Variants in DOCK2 observed in about 807,000 individuals in gnomAD.
DOCK2 encodes the protein dedicator of cytokinesis 2.
In DOCK2, 87 loss-of-function variants were observed where a neutral mutation model predicts 248.9. That is an observed-to-expected ratio of 0.35 (90% CI 0.29 to 0.42). DOCK2 has a LOEUF of 0.42. Ranked by LOEUF, DOCK2 falls within the 10% of genes least tolerant of loss-of-function variation. The probability of loss-of-function intolerance (pLI) is 1.00; values close to 1 mark genes in which losing one functional copy is unlikely to be tolerated. For synonymous variants in DOCK2, 805 were observed against 821.6 expected, an observed-to-expected ratio of 0.98 and a Z score of 0.35; for missense variants, 1,747 against 2,300.2, an observed-to-expected ratio of 0.76 and a Z score of 4.92.
intron 26 of DOCK2, among the ~76,000 whole-genome samples, chr5:169,839,859 G>T (rs1336757885): frequency 6.6e-6 from 1 of 152,134 alleles, no homozygotes; most frequent in Non-Finnish European, 1.5e-5. Flanking sequence ...GTGGCTTCCT[G>T]CTGTGGCTGA....
At chr5:169,754,169 G>T (rs145775000) in intron 23 of DOCK2, among the ~76,000 whole-genome samples, 1 of 152,278 alleles carries the variant, frequency 6.6e-6, no homozygotes, top group African/African-American at 2.4e-5. Flanking sequence ...AAGCCTGAAA[G>T]CACTCAGCAG....
intron 14 of DOCK2, among the ~76,000 whole-genome samples, chr5:169,706,331 A>G (rs763653399): frequency 2.6e-5 from 4 of 152,230 alleles, no homozygotes; most frequent in Non-Finnish European, 5.9e-5. Flanking sequence ...ACAGATATAA[A>G]TCTTTGTAGG....
intron 27 of DOCK2, chr5:169,864,251 C>T: frequency 1.9e-6 from 3 of 1,548,292 alleles, no homozygotes; most frequent in East Asian, 2.4e-5. Flanking sequence ...AGTTGGGGGG[C>T]TGGGGGATGG....
rs559242546 is a variant in DOCK2, at chr5:169,999,579, T to A, written c.3072+3415T>A. ...GGGCTGTCACACCCACAAGATTCTG[T>A]AAAACAGAAGAGTGGCCAACATTAC... is the stretch of plus-strand genomic sequence containing the variant. On this transcript the variant is annotated intron_variant, in intron 30 of 51. Transcript: ENST00000520908. 1.4e-4 allele frequency among the ~76,000 whole-genome samples: 21 copies of A among 152,298 alleles called. No individual in the cohort carries two copies. In the South Asian group the frequency reaches 4.4e-3, roughly 32 times the overall value.
Position 169,664,993 on chromosome 5 carries a change from TA to T in DOCK2, c.128-4294del, listed in dbSNP as rs564665470. Among the ~76,000 whole-genome samples, 268 of 147,260 alleles carry T rather than the reference TA, an allele frequency of 1.8e-3. 2 individuals are homozygous for T. Among genetic ancestry groups the T allele is most frequent in the African/African-American group, 6.5e-3 (262 of 40,240 alleles). On this transcript the variant is annotated intron_variant, in intron 2 of 51. Coordinates refer to ENST00000520908, the MANE Select transcript of DOCK2 (RefSeq NM_004946.3). The stretch of plus-strand genomic sequence containing the variant: ...ATATCAGCATATCTATATATGTTTA[TA>T]TATAAGTATCAGCATATCTATATAT...
intron 33 of DOCK2, among the ~76,000 whole-genome samples, chr5:170,022,886 C>T (rs929235441): frequency 6.6e-6 from 1 of 152,210 alleles, no homozygotes; most frequent in Non-Finnish European, 1.5e-5. Context: ...TTTAGACCCC[C>T]ATCCCATGTC....
Position 170,019,073 on chromosome 5 carries a change from C to T in DOCK2, c.3346C>T (p.Leu1116=). 6.2e-7 allele frequency: 1 copy of T among 1,614,050 alleles called. No homozygotes were observed. Among genetic ancestry groups the T allele is most frequent in the Non-Finnish European group, 8.5e-7 (1 of 1,179,964 alleles). Residue 1116 remains leucine, a synonymous_variant, in exon 33 of 52, where the codon CTG becomes TTG. Coordinates refer to ENST00000520908, the MANE Select transcript of DOCK2 (RefSeq NM_004946.3). The stretch of plus-strand genomic sequence containing the variant: ...CATACCAATCTTCTTCGACATGATG[C>T]TGTGTGAATATCAAAGAAGTGGGGA... The part of the protein sequence containing the change: ...ATIPIFFDMM[L]CEYQRSGDFK...
intron 26 of DOCK2, among the ~76,000 whole-genome samples, chr5:169,839,904 C>T (rs536198876): frequency 2.4e-4 from 36 of 152,314 alleles, no homozygotes; most frequent in African/African-American, 7.7e-4. Context: ...TTGGCATTTC[C>T]GTTACCTGTA....
intron 1 of DOCK2, among the ~76,000 whole-genome samples, chr5:169,640,079 C>A (rs754539317): frequency 6.6e-6 from 1 of 152,122 alleles, no homozygotes; most frequent in Admixed American, 6.5e-5. Flanking sequence ...ATGAGAACAC[C>A]GGTCATATTG....
rs549045156 is a variant in DOCK2 at position 169,954,797 on chromosome 5, G to A, written c.2800-28271G>A. Among the ~76,000 whole-genome samples the A allele has an allele frequency of 4.6e-5, 7 of 152,320 alleles. No homozygotes were observed. The East Asian group carries it at 5.8e-4, about 13-fold the overall frequency. Reference sequence around the variant, plus strand: ...GGGAGTGACCTCATGAGAGGTCAACGCAGCTGATGCTGGGAAGGCTCATAC... The same window carrying A: ...GGGAGTGACCTCATGAGAGGTCAACACAGCTGATGCTGGGAAGGCTCATAC... On this transcript the variant is annotated intron_variant, in intron 27 of 51. Transcript: ENST00000520908.
chr5:170,067,001 C>T (rs80322195), intron 44 of DOCK2, among the ~76,000 whole-genome samples: 2 of 152,184 alleles, frequency 1.3e-5, no homozygotes, highest in Admixed American at 6.5e-5. Flanking sequence ...CTGTTTATAT[C>T]GCCTTCTAAG....
intron 44 of DOCK2, among the ~76,000 whole-genome samples, chr5:170,061,033 A>G (rs896778326): frequency 3.9e-5 from 6 of 152,164 alleles, no homozygotes; most frequent in Non-Finnish European, 5.9e-5. Context: ...CCATCTAAAA[A>G]AAAATTAAAA....
intron 51 of DOCK2, among the ~76,000 whole-genome samples, chr5:170,082,556 T>C (rs375510847): frequency 7.2e-5 from 11 of 152,272 alleles, no homozygotes; most frequent in African/African-American, 2.6e-4. Flanking sequence ...GGATTTTATA[T>C]GGGAGGCTCA....
At chr5:169,773,768 C>T (rs1487885795) in intron 25 of DOCK2, among the ~76,000 whole-genome samples, 2 of 152,116 alleles carry the variant, frequency 1.3e-5, no homozygotes, top group Non-Finnish European at 2.9e-5. Flanking sequence ...TCCCATAATT[C>T]CCACGTGTTG....
At position 169,996,094 on chromosome 5, in the gene DOCK2, T is replaced by G; in HGVS notation, c.3002T>G (p.Leu1001Arg). 1 of 1,613,884 alleles carries G rather than the reference T, an allele frequency of 6.2e-7. No homozygotes were observed. Among genetic ancestry groups the G allele is most frequent in the South Asian group, 1.1e-5 (1 of 91,076 alleles). The change falls in exon 30 of 52, where the codon CTG (leucine) becomes CGG (arginine). Residue 1001 changes from leucine (L) to arginine (R), a missense_variant. This residue lies in a region of DOCK2 where 858 missense variants were observed against 1,183.5 expected (regional missense o/e 0.72). Coordinates refer to ENST00000520908, the MANE Select transcript of DOCK2 (RefSeq NM_004946.3). ...TTTCTGCCCTCTTCCAGGGTCTTCC[T>G]GAGAGCTATCAACAAGTTTGCAGAA... ...AMSMVQNRVF[L>R]RAINKFAETM...
At chr5:169,982,929 G>T in intron 27 of DOCK2, 139 bp from the exon 28 acceptor site, 1 of 758,846 alleles carries the variant, frequency 1.3e-6, no homozygotes. Flanking sequence ...GTTCGGCACT[G>T]CTATTACAGT....
chr5:169,813,214 A>G (rs2113195737), intron 26 of DOCK2, among the ~76,000 whole-genome samples: 1 of 152,358 alleles, frequency 6.6e-6, no homozygotes, highest in Admixed American at 6.5e-5. Context: ...GTTATCATCA[A>G]AAATTGTTAT....
chr5:169,680,567 C>T (rs1197951898), intron 6 of DOCK2, among the ~76,000 whole-genome samples: 19 of 152,188 alleles, frequency 1.2e-4, no homozygotes, highest in Admixed American at 1.3e-4. Context: ...AGGCTAGGTA[C>T]GGTAGTAGCT....
At chr5:169,640,253 T>C (rs1757079415) in intron 1 of DOCK2, among the ~76,000 whole-genome samples, 1 of 152,264 alleles carries the variant, frequency 6.6e-6, no homozygotes, top group South Asian at 2.1e-4. Context: ...ATCTGTGGTC[T>C]CTGGCATGGT....
Sources: gnomAD v4.1 joint callset for allele counts (sites outside exome capture counted in the v4.1 genomes callset) on GRCh38, gnomAD v4.1.1 for gene constraint, gnomAD v4.1.1 regional missense constraint, MANE v1.5 for transcripts, NCBI Gene and HGNC (gene_info 2026-07-23, HGNC 2026-07-21) for gene names.